Variants in TSPAN18 observed in about 807,000 individuals in gnomAD.
TSPAN18 encodes tetraspanin 18, also known as tetraspanin-18.
TSPAN18 carries 14 observed loss-of-function variants against 27.3 expected under a neutral mutation model. That is an observed-to-expected ratio of 0.51 (90% confidence interval 0.34 to 0.80). TSPAN18 has a LOEUF of 0.80. Among genes scored for constraint, TSPAN18 ranks in the 30% least tolerant of loss-of-function variants. The pLI is 0.01. For synonymous variants in TSPAN18, 143 were observed against 136.5 expected, an observed-to-expected ratio of 1.05 and a Z score of -0.33; for missense variants, 268 against 323.9, an observed-to-expected ratio of 0.83 and a Z score of 1.32.
intron 2 of TSPAN18, among the ~76,000 whole-genome samples, chr11:44,770,412 C>G (rs1299540874): frequency 6.6e-6 from 1 of 152,074 alleles, no homozygotes; most frequent in Non-Finnish European, 1.5e-5. Context: ...AAGAGGCTTC[C>G]TGTTTGAGGG....
chr11:44,859,041 T>A (rs1165734428), intron 2 of TSPAN18, among the ~76,000 whole-genome samples: 1 of 152,124 alleles, frequency 6.6e-6, no homozygotes, highest in Non-Finnish European at 1.5e-5. Context: ...TAATGACATT[T>A]GCATTTTGCT....
intron 2 of TSPAN18, among the ~76,000 whole-genome samples, chr11:44,765,159 T>A (rs1855538131): frequency 2.0e-5 from 3 of 152,222 alleles, no homozygotes; most frequent in Non-Finnish European, 4.4e-5. Context: ...GCCACCAATG[T>A]GACTTATAAG....
intron 1 of TSPAN18, among the ~76,000 whole-genome samples, chr11:44,743,530 C>T (rs913912566): frequency 3.9e-5 from 6 of 152,198 alleles, no homozygotes; most frequent in African/African-American, 1.2e-4. Context: ...TGGGGAGAAG[C>T]CGAGAATGGC....
chr11:44,896,063 C>T (rs548188802), intron 3 of TSPAN18, among the ~76,000 whole-genome samples: 1 of 152,252 alleles, frequency 6.6e-6, no homozygotes, highest in African/African-American at 2.4e-5. Context: ...ACTTCCCCGG[C>T]ACATAGTAGC....
At chr11:44,824,348 T>TG (rs1202877967) in intron 2 of TSPAN18, among the ~76,000 whole-genome samples, 5 of 152,188 alleles carry the variant, frequency 3.3e-5, no homozygotes, top group Non-Finnish European at 5.9e-5. Flanking sequence ...TTGGCCTCTT[T>TG]GGGGGGCCTC....
chr11:44,918,362 G>A (rs1302925912), intron 6 of TSPAN18, among the ~76,000 whole-genome samples: 1 of 152,110 alleles, frequency 6.6e-6, no homozygotes, highest in Non-Finnish European at 1.5e-5. Context: ...CAGAATAGTC[G>A]GAGAGGCTGG....
intron 3 of TSPAN18, among the ~76,000 whole-genome samples, chr11:44,904,124 C>T (rs57785771): frequency 0.032 from 4,892 of 152,166 alleles, 289 homozygotes; most frequent in African/African-American, 0.11. Flanking sequence ...GCCTGGAGTC[C>T]CTGGGTCAGG....
At chr11:44,922,059 TG>T (rs1249362272) in intron 8 of TSPAN18, among the ~76,000 whole-genome samples, 2 of 151,980 alleles carry the variant, frequency 1.3e-5, no homozygotes, top group Admixed American at 1.3e-4. Context: ...TCTGCTGCTG[TG>T]GAACTGTCTC....
At chr11:44,922,010 A>G (rs1333482567) in intron 8 of TSPAN18, among the ~76,000 whole-genome samples, 1 of 151,988 alleles carries the variant, frequency 6.6e-6, no homozygotes, top group Non-Finnish European at 1.5e-5. Flanking sequence ...CTTTGCTGAG[A>G]CATTCATGTC....
At chr11:44,925,018 T>G (rs1000803657) in intron 8 of TSPAN18, among the ~76,000 whole-genome samples, 1 of 152,182 alleles carries the variant, frequency 6.6e-6, no homozygotes, top group African/African-American at 2.4e-5. Flanking sequence ...CACACTGATG[T>G]CCTGGCCTGG....
At chr11:44,846,833 T>G (rs1310358634) in intron 2 of TSPAN18, among the ~76,000 whole-genome samples, 1 of 152,228 alleles carries the variant, frequency 6.6e-6, no homozygotes, top group Non-Finnish European at 1.5e-5. Flanking sequence ...ACACAGGACT[T>G]GTGCCTGGGA....
At chr11:44,914,141 T>C (rs567441686) in intron 5 of TSPAN18, among the ~76,000 whole-genome samples, 1 of 152,318 alleles carries the variant, frequency 6.6e-6, no homozygotes, top group Admixed American at 6.5e-5. Flanking sequence ...TTCAGCTCAA[T>C]GGAAACTCCA....
intron 2 of TSPAN18, among the ~76,000 whole-genome samples, chr11:44,852,529 T>C (rs368003182): frequency 7.4e-6 from 1 of 134,842 alleles, no homozygotes; most frequent in East Asian, 2.0e-4. Flanking sequence ...GGCTTCTGAG[T>C]TAATTCACAC....
chr11:44,810,047 T>C (rs1254353271), intron 2 of TSPAN18, among the ~76,000 whole-genome samples: 1 of 152,200 alleles, frequency 6.6e-6, no homozygotes, highest in African/African-American at 2.4e-5. Context: ...CAAAAACCAG[T>C]GCCTTCATCC....
chr11:44,780,602 T>C (rs928735384), intron 2 of TSPAN18, among the ~76,000 whole-genome samples: 2 of 152,260 alleles, frequency 1.3e-5, no homozygotes, highest in Non-Finnish European at 2.9e-5. Context: ...GGTTCTGATA[T>C]TTGTTGAGGA....
At chr11:44,866,017 G>A (rs1281896104) in intron 3 of TSPAN18, among the ~76,000 whole-genome samples, 2 of 152,228 alleles carry the variant, frequency 1.3e-5, no homozygotes, top group African/African-American at 4.8e-5. Context: ...CCCCTCTTCT[G>A]TCACAGTGCC....
rs772766169 is a variant in TSPAN18, at chr11:44,774,979, CT to C, written c.-153+10469del. ...ACACCAGAAAGTCCGTTCAGTTGGG[CT>C]TCCTGCTTTTTTTCCCCATCTCTCC... On this transcript the variant is annotated intron_variant, in intron 2 of 9. Coordinates refer to ENST00000520358, the MANE Select transcript of TSPAN18 (RefSeq NM_130783.5). Among the ~76,000 whole-genome samples the C allele has an allele frequency of 3.3e-5, 5 of 152,216 alleles. No individual in the cohort carries two copies. The South Asian group carries it at 1.0e-3, about 32-fold the overall frequency.
intron 3 of TSPAN18, among the ~76,000 whole-genome samples, chr11:44,876,923 A>G (rs1858349800): frequency 6.6e-6 from 1 of 152,220 alleles, no homozygotes; most frequent in Non-Finnish European, 1.5e-5. Context: ...ACAGACAGAC[A>G]GGGTTTCACG....
At chr11:44,739,064 A>G (rs1282175473) in intron 1 of TSPAN18, among the ~76,000 whole-genome samples, 1 of 152,196 alleles carries the variant, frequency 6.6e-6, no homozygotes, top group Non-Finnish European at 1.5e-5. Context: ...TTGGGAGGAA[A>G]TCAGGATCCA....
Sources: allele counts gnomAD v4.1 joint callset (sites outside exome capture counted in the v4.1 genomes callset), GRCh38; gene constraint gnomAD v4.1.1; transcripts MANE v1.5; gene names NCBI Gene and HGNC (gene_info 2026-07-23, HGNC 2026-07-21).